The following PICALM variants were observed in gnomAD, a reference collection of about 807,000 sequenced individuals.
PICALM encodes the protein phosphatidylinositol binding clathrin assembly protein.
In PICALM, 40 loss-of-function variants were observed where a neutral mutation model predicts 80.5. That is an observed-to-expected ratio of 0.50 (90% CI 0.39 to 0.65). The LOEUF (loss-of-function observed/expected upper bound fraction) is 0.65, where lower values mean the gene tolerates loss of function less well. Among genes scored for constraint, PICALM ranks in the 30% least tolerant of loss-of-function variants. The pLI, the probability that PICALM is intolerant of heterozygous loss-of-function variation, is 0.00. For missense variants in PICALM, 676 were observed against 778.9 expected, an observed-to-expected ratio of 0.87 and a Z score of 1.57; for synonymous variants, 288 against 260.3, an observed-to-expected ratio of 1.11 and a Z score of -1.02.
chr11:86,044,122 T>C (rs2096024590), intron 1 of PICALM, among the ~76,000 whole-genome samples: 3 of 152,236 alleles, frequency 2.0e-5, no homozygotes, highest in South Asian at 2.1e-4. Flanking sequence ...ACGGAGCTTA[T>C]ATACTAATGG....
Position 86,031,732 on chromosome 11 carries a change from A to T in PICALM, c.131-121T>A, listed in dbSNP as rs561327560. On this transcript the variant is annotated intron_variant, in intron 1 of 19. Coordinates refer to ENST00000393346, the MANE Select transcript of PICALM (RefSeq NM_007166.4). ...AAAGTGGAGCAGTAATAGTTTGGAG[A>T]TGTTGTTAAAAATCTCTCAATTAGA... 8.7e-6 allele frequency: 6 copies of T among 685,836 alleles called. No homozygotes were observed. The South Asian group carries it at 1.1e-4, about 12-fold the overall frequency. 42.5% of individuals were successfully genotyped at this position (685,836 alleles called of 1,614,324 possible).
chr11:86,011,496 C>A (rs1009360200), intron 6 of PICALM, among the ~76,000 whole-genome samples: 1 of 152,184 alleles, frequency 6.6e-6, no homozygotes, highest in Non-Finnish European at 1.5e-5. Context: ...AAGATAACAA[C>A]TTTACCATGC....
intron 19 of PICALM, among the ~76,000 whole-genome samples, chr11:85,965,238 A>G (rs1352319841): frequency 6.6e-6 from 1 of 152,192 alleles, no homozygotes; most frequent in African/African-American, 2.4e-5. Flanking sequence ...TGCACCAAGA[A>G]GGCCCTTGCC....
intron 11 of PICALM, among the ~76,000 whole-genome samples, chr11:86,000,122 C>T (rs2095098073): frequency 6.6e-6 from 1 of 152,160 alleles, no homozygotes. Context: ...ATTATATTTC[C>T]ATGTTAAGTA....
At chr11:86,007,644 G>A in intron 7 of PICALM, 61 bp from the exon 8 acceptor site, 1 of 697,816 alleles carries the variant, frequency 1.4e-6, no homozygotes, top group Non-Finnish European at 2.2e-6. Context: ...ATAAAATTTG[G>A]AAAAATGACA....
intron 19 of PICALM, among the ~76,000 whole-genome samples, chr11:85,959,708 T>C (rs1164832723): frequency 7.1e-6 from 1 of 141,534 alleles, no homozygotes; most frequent in Non-Finnish European, 1.5e-5. Flanking sequence ...GCCTCCTGAA[T>C]AGCTAGGACT....
chr11:86,007,412 T>A (rs912186529), intron 8 of PICALM, 130 bp downstream of exon 8: 1 of 597,342 alleles, frequency 1.7e-6, no homozygotes, highest in Non-Finnish European at 3.2e-6. Context: ...CAGGAATACA[T>A]CAAAATGTTA....
intron 1 of PICALM, among the ~76,000 whole-genome samples, chr11:86,043,125 T>C (rs969889053): frequency 6.6e-6 from 1 of 152,184 alleles, no homozygotes; most frequent in Non-Finnish European, 1.5e-5. Flanking sequence ...ACACATCACC[T>C]TAGTTATAAG....
chr11:86,059,093 G>A (rs914076318), intron 1 of PICALM, among the ~76,000 whole-genome samples: 4 of 152,128 alleles, frequency 2.6e-5, no homozygotes, highest in Non-Finnish European at 5.9e-5. Flanking sequence ...CAATGTTACT[G>A]ACTCTATATA....
At chr11:85,995,673 C>G (rs1050258112) in intron 12 of PICALM, among the ~76,000 whole-genome samples, 12 of 152,090 alleles carry the variant, frequency 7.9e-5, no homozygotes, top group African/African-American at 2.9e-4. Context: ...AGGAAATAAG[C>G]TGAAACTGCT....
intron 1 of PICALM, among the ~76,000 whole-genome samples, chr11:86,056,818 C>T (rs1450254592): frequency 6.6e-6 from 1 of 152,298 alleles, no homozygotes; most frequent in South Asian, 2.1e-4. Flanking sequence ...GGTAACTATA[C>T]AAGGGAGTAT....
intron 10 of PICALM, 98 bp from the exon 11 acceptor site, chr11:86,000,877 T>C (rs542069889): frequency 8.7e-6 from 13 of 1,499,426 alleles, no homozygotes; most frequent in South Asian, 3.8e-5. Context: ...ATAGCAGATA[T>C]TCTGTTTTAC....
intron 19 of PICALM, among the ~76,000 whole-genome samples, chr11:85,967,711 AAAC>A (rs869107658): frequency 3.3e-5 from 5 of 152,350 alleles, no homozygotes; most frequent in South Asian, 2.1e-4. Context: ...CAAGAGAATA[AAAC>A]AACAACAACA....
intron 19 of PICALM, among the ~76,000 whole-genome samples, chr11:85,966,046 A>G (rs995136121): frequency 2.0e-5 from 3 of 151,240 alleles, no homozygotes; most frequent in African/African-American, 7.3e-5. Context: ...CGAACTCTTG[A>G]CCTCGTGATC....
chr11:86,019,103 T>G (rs932063406), intron 4 of PICALM, among the ~76,000 whole-genome samples: 1 of 152,142 alleles, frequency 6.6e-6, no homozygotes, highest in Non-Finnish European at 1.5e-5. Flanking sequence ...GGATGGTATT[T>G]TTCTTAAATT....
In PICALM at chr11:85,965,815, GTTTTTTTTTT is replaced by G. The variant is rs914561533; in HGVS notation, c.1945-6765_1945-6756del. Among the ~76,000 whole-genome samples the G allele has an allele frequency of 3.7e-5, 4 of 108,156 alleles. No individual in the cohort carries two copies. The South Asian group carries it at 1.3e-3, about 36-fold the overall frequency. 71.0% of individuals were successfully genotyped at this position (108,156 alleles called of 152,430 possible). ...AATGCATTACCCATTTTGTTTTTTT[GTTTTTTTTTT>G]TTTTTTTTTTTTTGAGACAGACTCT... is the stretch of plus-strand genomic sequence containing the variant. On this transcript the variant is annotated intron_variant, in intron 19 of 19. Transcript: ENST00000393346.
intron 1 of PICALM, among the ~76,000 whole-genome samples, chr11:86,042,705 C>T (rs1404741136): frequency 2.7e-5 from 4 of 148,880 alleles, no homozygotes. Context: ...AATACAGAAA[C>T]CTCATTTCCT....
intron 1 of PICALM, among the ~76,000 whole-genome samples, chr11:86,055,225 G>A (rs912212045): frequency 6.6e-6 from 1 of 151,712 alleles, no homozygotes; most frequent in Non-Finnish European, 1.5e-5. Context: ...AGCTACTTGA[G>A]AGGCTAAGGC....
At chr11:85,986,609 C>T (rs1228486709) in intron 13 of PICALM, among the ~76,000 whole-genome samples, 1 of 151,714 alleles carries the variant, frequency 6.6e-6, no homozygotes, top group Non-Finnish European at 1.5e-5. Context: ...CCAGGATGGT[C>T]TCGATCTCCT....
Sources: gnomAD v4.1 joint callset for allele counts (sites outside exome capture counted in the v4.1 genomes callset) on GRCh38, gnomAD v4.1.1 for gene constraint, MANE v1.5 for transcripts, NCBI Gene and HGNC (gene_info 2026-07-23, HGNC 2026-07-21) for gene names.